FRMD3: variants seen among roughly 807,000 people sequenced by gnomAD.
FRMD3 encodes the protein FERM domain containing 3.
In FRMD3, 33 loss-of-function variants were observed where a neutral mutation model predicts 70.2. The ratio of observed to expected loss-of-function variants is 0.47; its 90% CI spans 0.36 to 0.63. The LOEUF (loss-of-function observed/expected upper bound fraction) is 0.63. FRMD3 is among the 20% of genes least tolerant of loss of function. The pLI, the probability that FRMD3 is intolerant of heterozygous loss-of-function variation, is 0.00. For missense variants in FRMD3, 632 were observed against 711.4 expected (o/e 0.89, Z 1.27); for synonymous variants, 279 against 255.9 (o/e 1.09, Z -0.86).
intron 3 of FRMD3, among the ~76,000 whole-genome samples, chr9:83,357,261 AT>A (rs1449411990): frequency 0.013 from 710 of 56,354 alleles, 225 homozygotes; most frequent in African/African-American, 0.068. Flanking sequence ...ATATATATAT[AT>A]ATATATATAT....
chr9:83,424,837 A>G (rs1281578076), intron 1 of FRMD3, among the ~76,000 whole-genome samples: 1 of 152,214 alleles, frequency 6.6e-6, no homozygotes, highest in Non-Finnish European at 1.5e-5. Context: ...TACTGTTTTC[A>G]TTTTTACAGG....
intron 3 of FRMD3, among the ~76,000 whole-genome samples, chr9:83,357,256 TATATATATATATATATATATATA>T (rs1564032691): frequency 5.5e-4 from 24 of 43,324 alleles, no homozygotes; most frequent in African/African-American, 4.0e-3. Context: ...CATATATATA[TATATATATATATATATATATATA>T]TATATATATA....
At chr9:83,365,690 C>T (rs1050986354) in intron 3 of FRMD3, among the ~76,000 whole-genome samples, 1 of 152,008 alleles carries the variant, frequency 6.6e-6, no homozygotes, top group Non-Finnish European at 1.5e-5. Flanking sequence ...ATAAAAGGAA[C>T]CCCAGGGTAG....
intron 2 of FRMD3, among the ~76,000 whole-genome samples, chr9:83,383,169 A>G (rs112841742): frequency 0.039 from 5,976 of 152,282 alleles, 235 homozygotes; most frequent in Admixed American, 0.096. Context: ...GATGTCTTGG[A>G]TCCTCCAGAT....
chr9:83,367,883 C>T (rs1042869895), intron 3 of FRMD3, among the ~76,000 whole-genome samples: 1 of 152,160 alleles, frequency 6.6e-6, no homozygotes, highest in Non-Finnish European at 1.5e-5. Flanking sequence ...CCTTCATTTG[C>T]TCCTGATATT....
intron 1 of FRMD3, among the ~76,000 whole-genome samples, chr9:83,423,112 AT>A (rs1330823038): frequency 6.6e-6 from 1 of 152,254 alleles, no homozygotes; most frequent in African/African-American, 2.4e-5. Flanking sequence ...AGATATATAC[AT>A]TATAGATGGA....
intron 1 of FRMD3, among the ~76,000 whole-genome samples, chr9:83,412,272 A>C (rs1460091257): frequency 2.6e-5 from 4 of 152,220 alleles, no homozygotes; most frequent in African/African-American, 7.2e-5. Context: ...ATAAATATAC[A>C]GTCCATTTGT....
chr9:83,551,931 T>G, the FRMD3 span, among the ~76,000 whole-genome samples: 27 of 152,214 alleles, frequency 1.8e-4, no homozygotes, highest in Admixed American at 1.0e-3. Flanking sequence ...ACTCCTGGAT[T>G]CATTGATCTT....
chr9:83,551,126 A>T, the FRMD3 span, among the ~76,000 whole-genome samples: 1 of 151,598 alleles, frequency 6.6e-6, no homozygotes, highest in African/African-American at 2.4e-5. Context: ...TCATAGATGG[A>T]TCTATTTTTC....
intron 10 of FRMD3, among the ~76,000 whole-genome samples, chr9:83,302,613 C>T (rs754301019): frequency 3.9e-5 from 6 of 152,156 alleles, no homozygotes; most frequent in Non-Finnish European, 8.8e-5. Flanking sequence ...CCACCTTCCT[C>T]CCTCCCTAAT....
At chr9:83,496,310 A>C (rs1168431741) in intron 1 of FRMD3, among the ~76,000 whole-genome samples, 1 of 152,218 alleles carries the variant, frequency 6.6e-6, no homozygotes, top group Non-Finnish European at 1.5e-5. Flanking sequence ...GAAGTTTGGG[A>C]AGCTGATGAA....
chr9:83,395,430 A>C (rs1825786001), intron 1 of FRMD3, among the ~76,000 whole-genome samples: 1 of 152,058 alleles, frequency 6.6e-6, no homozygotes, highest in African/African-American at 2.4e-5. Context: ...CTCATCACCC[A>C]GGTATTAAGC....
At chr9:83,371,579 G>A (rs911414839) in intron 3 of FRMD3, among the ~76,000 whole-genome samples, 1 of 152,242 alleles carries the variant, frequency 6.6e-6, no homozygotes, top group African/African-American at 2.4e-5. Flanking sequence ...GCCTCCTAAA[G>A]TGCTGGGATT....
chr9:83,412,665 T>C (rs1340653668), intron 1 of FRMD3, among the ~76,000 whole-genome samples: 2 of 152,164 alleles, frequency 1.3e-5, no homozygotes, highest in Non-Finnish European at 2.9e-5. Context: ...GCAGCTGAAA[T>C]TGTTGACTAA....
the FRMD3 span, among the ~76,000 whole-genome samples, chr9:83,581,192 C>G: frequency 6.6e-6 from 1 of 152,042 alleles, no homozygotes; most frequent in Admixed American, 6.5e-5. Context: ...AAAAAACCCA[C>G]AGAATGGGAG....
At chr9:83,356,567 C>T (rs1158985620) in intron 3 of FRMD3, among the ~76,000 whole-genome samples, 3 of 151,522 alleles carry the variant, frequency 2.0e-5, no homozygotes, top group Non-Finnish European at 4.4e-5. Flanking sequence ...TGAGCCACCG[C>T]GCCCGGCCAG....
At chr9:83,475,367 T>A (rs1365824347) in intron 1 of FRMD3, among the ~76,000 whole-genome samples, 1 of 152,028 alleles carries the variant, frequency 6.6e-6, no homozygotes, top group Non-Finnish European at 1.5e-5. Flanking sequence ...ATGCTATAGA[T>A]GGGTTACAGC....
At chr9:83,524,067 T>C (rs892142455) in intron 1 of FRMD3, among the ~76,000 whole-genome samples, 10 of 152,262 alleles carry the variant, frequency 6.6e-5, no homozygotes, top group African/African-American at 2.4e-5. Context: ...TGGCAGTGGC[T>C]AGTGCCTAAG....
At chr9:83,250,770 A>G (rs1003850289) in intron 13 of FRMD3, among the ~76,000 whole-genome samples, 13 of 152,128 alleles carry the variant, frequency 8.5e-5, no homozygotes, top group Admixed American at 1.3e-4. Context: ...CTTAAGTGGG[A>G]CCCCAATCCA....
Sources: gnomAD v4.1 joint callset for allele counts (sites outside exome capture counted in the v4.1 genomes callset) on GRCh38, gnomAD v4.1.1 for gene constraint, MANE v1.5 for transcripts, NCBI Gene and HGNC (gene_info 2026-07-23, HGNC 2026-07-21) for gene names.